CALCR: variants seen among roughly 807,000 people sequenced by gnomAD.
CALCR encodes the protein calcitonin receptor.
A neutral mutation model predicts 59.5 loss-of-function variants in CALCR; 47 were observed. That is an observed-to-expected ratio of 0.79 (90% CI 0.63 to 1.01). CALCR has a LOEUF of 1.01. CALCR is among the 50% of genes least tolerant of loss of function. The probability of loss-of-function intolerance (pLI) is 0.00; values close to 1 mark genes in which losing one functional copy is unlikely to be tolerated. For synonymous variants in CALCR, 213 were observed against 211.3 expected (o/e 1.01, Z -0.07); for missense variants, 566 against 597.1 (o/e 0.95, Z 0.54).
At chr7:93,451,700 G>A (rs1800112970) in intron 8 of CALCR, among the ~76,000 whole-genome samples, 2 of 151,974 alleles carry the variant, frequency 1.3e-5, no homozygotes, top group South Asian at 4.1e-4. Context: ...AGAAGTTGTG[G>A]TGTGGGGCTT....
chr7:93,524,450 G>T (rs1801834731), intron 2 of CALCR, among the ~76,000 whole-genome samples: 1 of 152,006 alleles, frequency 6.6e-6, no homozygotes, highest in African/African-American at 2.4e-5. Context: ...GATTACAGGC[G>T]TGAAACACCG....
At chr7:93,491,588 T>C (rs1270445808) in intron 2 of CALCR, among the ~76,000 whole-genome samples, 1 of 151,818 alleles carries the variant, frequency 6.6e-6, no homozygotes, top group African/African-American at 2.4e-5. Flanking sequence ...CATCAAAAAG[T>C]GGGAAAAGGA....
intron 2 of CALCR, among the ~76,000 whole-genome samples, chr7:93,568,509 T>TTCTCTTTC (rs1789919255): frequency 9.8e-6 from 1 of 102,384 alleles, no homozygotes; most frequent in Non-Finnish European, 1.9e-5. Flanking sequence ...TAAAATTACT[T>TTCTCTTTC]TCTCTCTCTC....
intron 2 of CALCR, among the ~76,000 whole-genome samples, chr7:93,567,505 T>C (rs1239791615): frequency 6.6e-6 from 1 of 152,156 alleles, no homozygotes; most frequent in Non-Finnish European, 1.5e-5. Context: ...CAAAAATTGC[T>C]ATATTTGGCC....
At chr7:93,491,122 T>C (rs1470494994) in intron 2 of CALCR, among the ~76,000 whole-genome samples, 1 of 151,992 alleles carries the variant, frequency 6.6e-6, no homozygotes, top group Admixed American at 6.6e-5. Context: ...AACTATCTGA[T>C]CTTCAACAAA....
chr7:93,496,001 T>A, intron 2 of CALCR: 1 of 1,259,100 alleles, frequency 7.9e-7, no homozygotes, highest in Non-Finnish European at 1.1e-6. Context: ...TGAAAATCAG[T>A]AAATCAATGA....
chr7:93,434,918 A>G (rs1240666822), intron 12 of CALCR, among the ~76,000 whole-genome samples: 1 of 152,208 alleles, frequency 6.6e-6, no homozygotes, highest in Non-Finnish European at 1.5e-5. Context: ...TCCTCACATT[A>G]AGCCTAATAT....
chr7:93,429,924 T>G (rs1295317457), intron 13 of CALCR, among the ~76,000 whole-genome samples: 2 of 83,094 alleles, frequency 2.4e-5, no homozygotes, highest in African/African-American at 4.8e-5. Context: ...GTTTTTTTTT[T>G]TGTTTGTTTG....
intron 2 of CALCR, among the ~76,000 whole-genome samples, chr7:93,563,961 G>A (rs1360925158): frequency 1.3e-5 from 2 of 152,194 alleles, no homozygotes; most frequent in South Asian, 4.1e-4. Flanking sequence ...TCGATAAAAG[G>A]CATAGAAAAT....
At chr7:93,465,100 C>T (rs1800413264) in intron 7 of CALCR, among the ~76,000 whole-genome samples, 1 of 151,768 alleles carries the variant, frequency 6.6e-6, no homozygotes. Flanking sequence ...TTTAAAATAC[C>T]AATCAGAAAG....
rs1405364528 is a variant in CALCR, at chr7:93,425,251, TG to T, written c.*1104del. On this transcript the variant is annotated 3_prime_UTR_variant, in exon 14 of 14. Transcript: ENST00000426151. ...CAGTTAATTTTTTCCCCTCCTGTTT[TG>T]GTAATAACAAGAAACAAGCGGTCAA... 1.3e-5 allele frequency: 2 copies of T among 152,622 alleles called. No individual in the cohort carries two copies. 9.5% of individuals were successfully genotyped at this position (152,622 alleles called of 1,614,324 possible).
chr7:93,453,713 A>G (rs1800153358), intron 8 of CALCR, among the ~76,000 whole-genome samples: 1 of 152,038 alleles, frequency 6.6e-6, no homozygotes, highest in African/African-American at 2.4e-5. Context: ...TCATGTGTAG[A>G]GGTACCACCA....
At chr7:93,491,113 A>G (rs1176199637) in intron 2 of CALCR, among the ~76,000 whole-genome samples, 1 of 152,014 alleles carries the variant, frequency 6.6e-6, no homozygotes, top group African/African-American at 2.4e-5. Flanking sequence ...CACATCTACA[A>G]CTATCTGATC....
At chr7:93,482,648 T>A in intron 3 of CALCR, 2 of 372,212 alleles carry the variant, frequency 5.4e-6, no homozygotes, top group South Asian at 4.2e-5. Context: ...GAAAACCCTA[T>A]GCTTGTATTT....
rs140216304 is a variant in CALCR at position 93,456,473 on chromosome 7, C to G, written c.648+4348G>C. Among the ~76,000 whole-genome samples, 306 of 151,728 alleles carry G rather than the reference C, an allele frequency of 2.0e-3. 1 individual carries two copies. Among genetic ancestry groups the G allele is most frequent in the African/African-American group, 6.4e-3 (267 of 41,404 alleles). ...AGTTTGAAAGAGGTAAAAATGTGAC[C>G]AAACCCCATATGTGTGGTTGCAAGA... On this transcript the variant is annotated intron_variant, in intron 8 of 13. Coordinates refer to ENST00000426151, the MANE Select transcript of CALCR (RefSeq NM_001742.4).
chr7:93,512,639 A>C (rs1160704929), intron 2 of CALCR, among the ~76,000 whole-genome samples: 3 of 152,138 alleles, frequency 2.0e-5, no homozygotes, highest in Admixed American at 2.0e-4. Flanking sequence ...AAAATATTTA[A>C]GATAATTATA....
intron 2 of CALCR, among the ~76,000 whole-genome samples, chr7:93,509,354 T>C (rs1256651319): frequency 1.3e-5 from 2 of 152,208 alleles, no homozygotes; most frequent in African/African-American, 2.4e-5. Context: ...ATATATTATC[T>C]GGAAAGGAAA....
intron 2 of CALCR, among the ~76,000 whole-genome samples, chr7:93,503,572 G>A (rs1163244831): frequency 1.3e-5 from 2 of 151,950 alleles, no homozygotes; most frequent in Non-Finnish European, 2.9e-5. Flanking sequence ...TCTAATTTTT[G>A]CAACATTGAC....
rs763316815 is a variant in CALCR at position 93,438,101 on chromosome 7, A to T, written c.889T>A (p.Leu297Met). Residue 297 changes from leucine to methionine, a missense_variant, in exon 11 of 14, where the codon TTG becomes ATG. Transcript: ENST00000426151. ...ACAGGTCCATGGATTATGTAAAGCA[A>T]ATGGGTTTCCACACTCAGCCAGCAG... ...DNCWLSVETH[L>M]LYIIHGPVMA... 1 of 1,613,996 alleles carries T rather than the reference A, an allele frequency of 6.2e-7. No homozygotes were observed. Among genetic ancestry groups the T allele is most frequent in the East Asian group, 2.2e-5 (1 of 44,874 alleles).
Sources: gnomAD v4.1 joint callset for allele counts (sites outside exome capture counted in the v4.1 genomes callset) on GRCh38, gnomAD v4.1.1 for gene constraint, MANE v1.5 for transcripts, NCBI Gene and HGNC (gene_info 2026-07-23, HGNC 2026-07-21) for gene names.